The following C19orf47 variants were observed in gnomAD, a reference collection of about 807,000 sequenced individuals.
The protein encoded by C19orf47 is uncharacterized protein C19orf47.
C19orf47 carries 18 observed loss-of-function variants against 32.3 expected under a neutral mutation model. That is an observed-to-expected ratio of 0.56 (90% confidence interval 0.39 to 0.83). The LOEUF is 0.83. Among genes scored for constraint, C19orf47 ranks in the 40% least tolerant of loss-of-function variants. The pLI is 0.00. For synonymous variants in C19orf47, 202 were observed against 211.1 expected (o/e 0.96, Z 0.37); for missense variants, 484 against 531.6 (o/e 0.91, Z 0.88).
At chr19:40,336,751 C>T (rs2078073846) in intron 2 of C19orf47, among the ~76,000 whole-genome samples, 2 of 152,202 alleles carry the variant, frequency 1.3e-5, no homozygotes, top group South Asian at 4.1e-4. Context: ...CATCACTACA[C>T]ATGCTGGGCC....
At chr19:40,324,310 T>TA in intron 7 of C19orf47, 1 of 581,310 alleles carries the variant, frequency 1.7e-6, no homozygotes, top group Non-Finnish European at 3.1e-6. Context: ...TCCCTACACC[T>TA]CAGCACTAGC....
chr19:40,294,409 G>GGTT, the C19orf47 span, among the ~76,000 whole-genome samples: 1 of 151,968 alleles, frequency 6.6e-6, no homozygotes, highest in African/African-American at 2.4e-5. Context: ...TAATAACTCT[G>GGTT]GTTTTTTTGT....
At chr19:40,316,221 G>T (rs2077661080), downstream of C19orf47, among the ~76,000 whole-genome samples, 1 of 152,196 alleles carries the variant, frequency 6.6e-6, no homozygotes, top group African/African-American at 2.4e-5. Flanking sequence ...AGAAAGGGGG[G>T]CTGAGGCTGG....
chr19:40,347,359 G>A (rs1568633924), intron 1 of C19orf47, among the ~76,000 whole-genome samples: 1 of 151,728 alleles, frequency 6.6e-6, no homozygotes, highest in Non-Finnish European at 1.5e-5. Flanking sequence ...CAGAAACCCC[G>A]TCTCTACTAA....
chr19:40,322,328 C>A lies in C19orf47; in HGVS notation c.712G>T (p.Asp238Tyr). 1 of 1,603,322 alleles carries A rather than the reference C, an allele frequency of 6.2e-7. No individual in the cohort carries two copies. The highest frequency in any genetic ancestry group is 8.5e-7 in the Non-Finnish European group (1 of 1,174,148). ...TCATTGTCGCTGTCCCAAGCCAGAT[C>A]CTCGTCCGTTTCTGGGGTGGCCCCC... ...RLGATPETDE[D>Y]LAWDSDNDSS... The change falls in exon 9 of 9, where the codon GAT (aspartate) becomes TAT (tyrosine). Residue 238 changes from aspartate to tyrosine, a missense_variant. Transcript: ENST00000683109.
At chr19:40,340,690 G>C (rs1422395605) in intron 2 of C19orf47, among the ~76,000 whole-genome samples, 2 of 131,348 alleles carry the variant, frequency 1.5e-5, no homozygotes, top group Non-Finnish European at 3.3e-5. Context: ...AAATAAAAAG[G>C]AATACAGGCC....
At chr19:40,330,017 T>C (rs949131410) in intron 5 of C19orf47, among the ~76,000 whole-genome samples, 10 of 152,208 alleles carry the variant, frequency 6.6e-5, no homozygotes, top group African/African-American at 2.2e-4. Context: ...ACTCTGTCTT[T>C]ACTCTGTCTT....
At chr19:40,294,033 T>C in the C19orf47 span, among the ~76,000 whole-genome samples, 1 of 151,960 alleles carries the variant, frequency 6.6e-6, no homozygotes, top group Non-Finnish European at 1.5e-5. Flanking sequence ...GGCAGGAGAA[T>C]CGCTTGAACC....
At chr19:40,346,657 G>GC (rs1328826768) in intron 1 of C19orf47, among the ~76,000 whole-genome samples, 1 of 150,706 alleles carries the variant, frequency 6.6e-6, no homozygotes, top group Non-Finnish European at 1.5e-5. Context: ...CTCCCAAGTA[G>GC]CTGGGATTAC....
intron 5 of C19orf47, among the ~76,000 whole-genome samples, chr19:40,328,879 G>A (rs772666045): frequency 3.9e-5 from 6 of 152,090 alleles, no homozygotes; most frequent in Non-Finnish European, 5.9e-5. Context: ...AGCCATGCTG[G>A]TCTCCAGGAT....
the C19orf47 span, among the ~76,000 whole-genome samples, chr19:40,309,415 C>A: frequency 3.2e-4 from 48 of 152,218 alleles, no homozygotes; most frequent in Non-Finnish European, 5.0e-4. Context: ...TTTCGAACTT[C>A]TGACCTCAGG....
chr19:40,338,127 T>C (rs867101797), intron 2 of C19orf47, among the ~76,000 whole-genome samples: 3 of 151,752 alleles, frequency 2.0e-5, no homozygotes, highest in African/African-American at 7.3e-5. Flanking sequence ...TAGGCCAGAG[T>C]GCAGTGGCGC....
At chr19:40,297,687 G>A in the C19orf47 span, among the ~76,000 whole-genome samples, 2 of 127,798 alleles carry the variant, frequency 1.6e-5, no homozygotes, top group South Asian at 2.3e-4. Flanking sequence ...GCAACAGAGC[G>A]AGACTCCGTC....
At chr19:40,339,343 T>G (rs1014575326) in intron 2 of C19orf47, among the ~76,000 whole-genome samples, 1 of 152,226 alleles carries the variant, frequency 6.6e-6, no homozygotes, top group Non-Finnish European at 1.5e-5. Context: ...AATATTAAGT[T>G]GTGCAATGAT....
the C19orf47 span, among the ~76,000 whole-genome samples, chr19:40,308,184 TCTCA>T: frequency 1.3e-5 from 2 of 151,144 alleles, no homozygotes; most frequent in Non-Finnish European, 2.9e-5. Context: ...AGAAACGAAG[TCTCA>T]CTCTGTCGCC....
At position 40,321,093 on chromosome 19, in the gene C19orf47, C is replaced by T; in HGVS notation, c.*789G>A. Reference sequence around the variant, plus strand: ...AAGTCACAAAAATATATTAAAACAGCAGCTGTCTTCACTCTAGGCACTGGC... The same window carrying T: ...AAGTCACAAAAATATATTAAAACAGTAGCTGTCTTCACTCTAGGCACTGGC... On this transcript the variant is annotated 3_prime_UTR_variant, in exon 9 of 9. Coordinates refer to ENST00000683109, the MANE Select transcript of C19orf47 (RefSeq NM_001256441.2). 3.6e-6 allele frequency: 1 copy of T among 275,166 alleles called. No individual in the cohort carries two copies. The highest frequency in any genetic ancestry group is 5.6e-6 in the Non-Finnish European group (1 of 179,212). 17.0% of individuals were successfully genotyped at this position (275,166 alleles called of 1,614,324 possible).
intron 5 of C19orf47, among the ~76,000 whole-genome samples, chr19:40,329,556 T>C (rs190804905): frequency 6.6e-5 from 10 of 152,102 alleles, no homozygotes; most frequent in Admixed American, 2.6e-4. Context: ...TCACAGAACA[T>C]TTAATAAAAC....
intron 3 of C19orf47, 40 bp from the exon 4 acceptor site, chr19:40,336,264 G>C (rs915239983): frequency 1.2e-6 from 2 of 1,613,484 alleles, no homozygotes; most frequent in Non-Finnish European, 1.7e-6. Flanking sequence ...AGGTGGGCCA[G>C]AGTGGGTGGG....
chr19:40,339,531 A>C (rs1467619116), intron 2 of C19orf47, among the ~76,000 whole-genome samples: 1 of 152,216 alleles, frequency 6.6e-6, no homozygotes, highest in African/African-American at 2.4e-5. Flanking sequence ...ACAGCAGTGA[A>C]AAGAAAGTCA....
Sources: allele counts gnomAD v4.1 joint callset (sites outside exome capture counted in the v4.1 genomes callset), GRCh38; gene constraint gnomAD v4.1.1; transcripts MANE v1.5; gene names NCBI Gene and HGNC (gene_info 2026-07-23, HGNC 2026-07-21).